Variants in RBMS3 observed in about 807,000 individuals in gnomAD.
The protein encoded by RBMS3 is RNA binding motif single stranded interacting protein 3, also known as RNA-binding motif, single-stranded-interacting protein 3.
Under a neutral mutation model 66.8 loss-of-function variants are expected in RBMS3, and 27 were observed. That is an observed-to-expected ratio of 0.40 (90% CI 0.30 to 0.56). The LOEUF is 0.56. Among genes scored for constraint, RBMS3 ranks in the 20% least tolerant of loss-of-function variants. RBMS3 has a pLI of 0.40. For missense variants in RBMS3, 513 were observed against 549.5 expected, an observed-to-expected ratio of 0.93 and a Z score of 0.66; for synonymous variants, 188 against 183.0, an observed-to-expected ratio of 1.03 and a Z score of -0.22.
chr3:29,598,965 T>A (rs9917761), intron 4 of RBMS3, among the ~76,000 whole-genome samples: 6 of 151,708 alleles, frequency 4.0e-5, no homozygotes, highest in Non-Finnish European at 8.8e-5. Context: ...TTAGAAAGAA[T>A]AAAAATTGTG....
At position 29,500,560 on chromosome 3, in the gene RBMS3, C is replaced by T. The variant is rs187085901; in HGVS notation, c.307+12061C>T. 3.9e-4 allele frequency among the ~76,000 whole-genome samples: 59 copies of T among 151,996 alleles called. No individual in the cohort carries two copies. The East Asian group carries it at 0.011, about 29-fold the overall frequency. On this transcript the variant is annotated intron_variant, in intron 3 of 14. Coordinates refer to ENST00000383767, the MANE Select transcript of RBMS3 (RefSeq NM_001003793.3). ...CCCATAGGATTATACCATGTTTTTACTGTACCTTTTCTATGTTTAGATATA... is the reference window on the plus strand; with the variant it reads ...CCCATAGGATTATACCATGTTTTTATTGTACCTTTTCTATGTTTAGATATA...
intron 6 of RBMS3, among the ~76,000 whole-genome samples, chr3:29,822,870 G>A (rs2058108101): frequency 6.6e-6 from 1 of 152,102 alleles, no homozygotes; most frequent in South Asian, 2.1e-4. Context: ...TTAGTGGTAA[G>A]AAATATTCTA....
At chr3:29,712,099 T>C (rs1489542084) in intron 4 of RBMS3, among the ~76,000 whole-genome samples, 1 of 152,182 alleles carries the variant, frequency 6.6e-6, no homozygotes, top group African/African-American at 2.4e-5. Context: ...CCTAAGTTTG[T>C]TCTTTTGCCT....
intron 1 of RBMS3, among the ~76,000 whole-genome samples, chr3:29,381,698 G>A (rs546772854): frequency 2.6e-5 from 4 of 152,274 alleles, no homozygotes; most frequent in Non-Finnish European, 4.4e-5. Context: ...ATCTGCCCCT[G>A]CCCTATTGCT....
chr3:29,563,044 G>C (rs951428178), intron 3 of RBMS3, among the ~76,000 whole-genome samples: 4 of 152,116 alleles, frequency 2.6e-5, no homozygotes, highest in African/African-American at 9.7e-5. Context: ...TAGATTTAAC[G>C]CTTTGATCTG....
At chr3:29,445,933 G>A (rs2041814781) in intron 2 of RBMS3, among the ~76,000 whole-genome samples, 1 of 152,040 alleles carries the variant, frequency 6.6e-6, no homozygotes. Flanking sequence ...CATTATTGAG[G>A]AGTAAAATTA....
chr3:29,691,947 C>CTTTTTTTTT (rs1218393454), intron 4 of RBMS3, among the ~76,000 whole-genome samples: 2 of 53,544 alleles, frequency 3.7e-5, no homozygotes, highest in Non-Finnish European at 7.8e-5. Context: ...CTCTCTCTCT[C>CTTTTTTTTT]TATTTTTTTT....
intron 10 of RBMS3, among the ~76,000 whole-genome samples, chr3:29,903,719 T>C (rs960688539): frequency 1.4e-4 from 21 of 152,116 alleles, no homozygotes; most frequent in African/African-American, 4.8e-4. Context: ...GGTAGTGTTA[T>C]ATCATCTCAA....
At chr3:29,518,975 G>T (rs2044747088) in intron 3 of RBMS3, among the ~76,000 whole-genome samples, 1 of 152,174 alleles carries the variant, frequency 6.6e-6, no homozygotes, top group African/African-American at 2.4e-5. Flanking sequence ...AGATCGTAAT[G>T]AACCATTTGA....
chr3:29,873,439 G>T (rs2059538866), intron 7 of RBMS3, among the ~76,000 whole-genome samples: 1 of 152,140 alleles, frequency 6.6e-6, no homozygotes. Context: ...CGTTGATTTT[G>T]TATCCTGAAA....
Position 29,739,808 on chromosome 3 carries a change from T to G in RBMS3, c.488T>G (p.Phe163Cys). 6.2e-7 allele frequency: 1 copy of G among 1,613,434 alleles called. No individual in the cohort carries two copies. The highest frequency in any genetic ancestry group is 8.5e-7 in the Non-Finnish European group (1 of 1,179,640). The stretch of plus-strand genomic sequence containing the variant: ...GAGCTTGAGAATATGCTGAAACCCT[T>G]TGGACATGTCATTTCCACAAGAATA... ...EQELENMLKP[F>C]GHVISTRILR... The change falls in exon 5 of 15, where the codon TTT becomes TGT. Residue 163 changes from phenylalanine (F) to cysteine (C), a missense_variant. Coordinates refer to ENST00000383767, the MANE Select transcript of RBMS3 (RefSeq NM_001003793.3).
intron 6 of RBMS3, among the ~76,000 whole-genome samples, chr3:29,804,210 T>C (rs1363369678): frequency 1.3e-5 from 2 of 152,088 alleles, no homozygotes; most frequent in Non-Finnish European, 2.9e-5. Context: ...GGCATATTCA[T>C]GTTTGCTATA....
In RBMS3 at chr3:29,991,069, T is replaced by TTTGCCTC; in HGVS notation, c.1180-12_1180-6dup. 5 of 1,613,488 alleles carry TTTGCCTC rather than the reference T, an allele frequency of 3.1e-6. No homozygotes were observed. In the East Asian group the frequency reaches 1.1e-4, roughly 36 times the overall value. ...AGCAAGTAAGGCTTTTATGTTCTTATTTGCCTCCTTAGGGTGTTGTTGCTG... is the reference window on the plus strand; with the variant it reads ...AGCAAGTAAGGCTTTTATGTTCTTATTTGCCTCTTGCCTCCTTAGGGTGTTGTTGCTG... On this transcript the variant is annotated splice_polypyrimidine_tract_variant and intron_variant, in intron 13 of 14. Transcript: ENST00000383767.
At chr3:29,856,441 TGAGATGCACACATTTA>T (rs1289102824) in intron 6 of RBMS3, among the ~76,000 whole-genome samples, 2 of 149,130 alleles carry the variant, frequency 1.3e-5, no homozygotes, top group African/African-American at 5.2e-5. Flanking sequence ...ATGTGGAAAG[TGAGATGCACACATTTA>T]GATCATGACA....
At chr3:29,294,737 A>G (rs1053895225) in intron 1 of RBMS3, among the ~76,000 whole-genome samples, 2 of 151,706 alleles carry the variant, frequency 1.3e-5, no homozygotes, top group Non-Finnish European at 2.9e-5. Context: ...AGCTTGAAGA[A>G]CTAGGAGATG....
At chr3:29,999,107 T>C (rs952395014) in intron 14 of RBMS3, among the ~76,000 whole-genome samples, 1 of 151,612 alleles carries the variant, frequency 6.6e-6, no homozygotes, top group African/African-American at 2.4e-5. Context: ...GCAAAGAATA[T>C]GATCAGACAC....
chr3:29,680,744 AT>A (rs369376425), intron 4 of RBMS3, among the ~76,000 whole-genome samples: 1 of 151,942 alleles, frequency 6.6e-6, no homozygotes, highest in African/African-American at 2.4e-5. Context: ...CATTCATCCT[AT>A]TTTTTTCAAT....
intron 3 of RBMS3, among the ~76,000 whole-genome samples, chr3:29,574,864 A>AC (rs1361256522): frequency 6.9e-6 from 1 of 145,478 alleles, no homozygotes; most frequent in Non-Finnish European, 1.5e-5. Context: ...CACACACACA[A>AC]GAAAATTAAT....
intron 5 of RBMS3, among the ~76,000 whole-genome samples, chr3:29,750,297 C>T (rs2055115096): frequency 6.6e-6 from 1 of 152,062 alleles, no homozygotes; most frequent in South Asian, 2.1e-4. Flanking sequence ...GAAGAATGGA[C>T]TATAGCTGAT....
Sources: gnomAD v4.1 joint callset for allele counts (sites outside exome capture counted in the v4.1 genomes callset) on GRCh38, gnomAD v4.1.1 for gene constraint, MANE v1.5 for transcripts, NCBI Gene and HGNC (gene_info 2026-07-23, HGNC 2026-07-21) for gene names.